The following SRPK2 variants were observed in gnomAD, a reference collection of about 807,000 sequenced individuals.
SRPK2 encodes the protein SFRS protein kinase 2.
In SRPK2, 21 loss-of-function variants were observed where a neutral mutation model predicts 90.8. The observed-to-expected ratio is 0.23, with a 90% confidence interval of 0.16 to 0.33. The LOEUF is 0.33. Among genes scored for constraint, SRPK2 ranks in the 10% least tolerant of loss-of-function variants. The pLI is 1.00. For synonymous variants in SRPK2, 288 were observed against 311.1 expected, an observed-to-expected ratio of 0.93 and a Z score of 0.78; for missense variants, 620 against 869.0, an observed-to-expected ratio of 0.71 and a Z score of 3.60.
At chr7:105,383,052 A>ATTT (rs1563315577) in intron 2 of SRPK2, among the ~76,000 whole-genome samples, 13,254 of 104,784 alleles carry the variant, frequency 0.13, 2,907 homozygotes, top group East Asian at 0.2. Flanking sequence ...CAAAAGTAAA[A>ATTT]ATTTTTTTTT....
In SRPK2 at chr7:105,170,995, GAGAAAGAA is replaced by G. The variant is rs1221221567; in HGVS notation, c.230-1738_230-1731del. On this transcript the variant is annotated intron_variant, in intron 3 of 15. Coordinates refer to ENST00000393651, the MANE Select transcript of SRPK2 (RefSeq NM_182692.3). Reference sequence around the variant, plus strand: ...AAAGAAAGAGAAAGAAAGAAAGAAAGAGAAAGAAAGAAAGAAAGAGAGGAAGGAAGGAA... The same window carrying G: ...AAAGAAAGAGAAAGAAAGAAAGAAAGAGAAAGAAAGAGAGGAAGGAAGGAA... Among the ~76,000 whole-genome samples, 19 of 117,870 alleles carry G rather than the reference GAGAAAGAA, an allele frequency of 1.6e-4. No individual in the cohort carries two copies. The East Asian group carries it at 5.2e-3, about 32-fold the overall frequency. The allele number at this position is 117,870 out of a possible 152,430, so 77.3% of individuals were successfully genotyped here. A position where few individuals can be genotyped will look rare whatever the true frequency, so the allele number is the denominator to read the frequency against.
chr7:105,248,571 C>T (rs1802038663), intron 2 of SRPK2, among the ~76,000 whole-genome samples: 1 of 152,012 alleles, frequency 6.6e-6, no homozygotes, highest in Non-Finnish European at 1.5e-5. Flanking sequence ...CCACTACACT[C>T]CAGCCTGGTA....
At chr7:105,228,410 T>A (rs948185280) in intron 2 of SRPK2, among the ~76,000 whole-genome samples, 3 of 152,232 alleles carry the variant, frequency 2.0e-5, no homozygotes, top group Admixed American at 2.0e-4. Context: ...GAGAAATTGC[T>A]GAAATTCCAA....
chr7:105,294,684 C>G (rs1809552019), intron 2 of SRPK2, among the ~76,000 whole-genome samples: 1 of 152,008 alleles, frequency 6.6e-6, no homozygotes, highest in African/African-American at 2.4e-5. Flanking sequence ...CACCACCATG[C>G]CTGGCTAATT....
At chr7:105,146,916 C>T (rs1407951461) in intron 7 of SRPK2, among the ~76,000 whole-genome samples, 1 of 152,142 alleles carries the variant, frequency 6.6e-6, no homozygotes, top group Non-Finnish European at 1.5e-5. Context: ...GAACCTTGAA[C>T]AACACAGGTT....
chr7:105,290,840 C>T, intron 2 of SRPK2, among the ~76,000 whole-genome samples: 1 of 148,996 alleles, frequency 6.7e-6, no homozygotes, highest in Non-Finnish European at 1.5e-5. Context: ...AGATCGAGAC[C>T]ATCCTGGCTA....
At chr7:105,159,442 C>T (rs377283652) in intron 7 of SRPK2, among the ~76,000 whole-genome samples, 89 of 12,224 alleles carry the variant, frequency 7.3e-3, no homozygotes, top group African/African-American at 0.012. Context: ...AGCGAGACTC[C>T]GTCTCCAAAA....
At chr7:105,177,424 TTTG>T (rs1792116760) in intron 3 of SRPK2, among the ~76,000 whole-genome samples, 1 of 152,232 alleles carries the variant, frequency 6.6e-6, no homozygotes, top group Non-Finnish European at 1.5e-5. Context: ...CCTTAGCATA[TTTG>T]TTGTCAATGA....
At position 105,214,038 on chromosome 7, in the gene SRPK2, G is replaced by A. The variant is rs530711242; in HGVS notation, c.72-10253C>T. On this transcript the variant is annotated intron_variant, in intron 2 of 15. Transcript: ENST00000393651. ...GTGTTACACAATATGGTAGCAACAAGACAAATTAATTAAAATGGAATAAAA... is the reference window on the plus strand; with the variant it reads ...GTGTTACACAATATGGTAGCAACAAAACAAATTAATTAAAATGGAATAAAA... Among the ~76,000 whole-genome samples, 3 of 152,274 alleles carry A rather than the reference G, an allele frequency of 2.0e-5. No homozygotes were observed. In the South Asian group the frequency reaches 6.2e-4, roughly 32 times the overall value.
At chr7:105,362,667 A>G (rs1014373802) in intron 2 of SRPK2, among the ~76,000 whole-genome samples, 10 of 152,134 alleles carry the variant, frequency 6.6e-5, no homozygotes, top group Middle Eastern at 3.2e-3. Context: ...AAATAGAAAT[A>G]CCATTTCACC....
chr7:105,150,683 A>G (rs1442066960), intron 7 of SRPK2, among the ~76,000 whole-genome samples: 1 of 152,186 alleles, frequency 6.6e-6, no homozygotes, highest in African/African-American at 2.4e-5. Context: ...GTGCAAACTG[A>G]ATAATATGTG....
chr7:105,232,643 C>G (rs1261370074), intron 2 of SRPK2, among the ~76,000 whole-genome samples: 2 of 151,606 alleles, frequency 1.3e-5, no homozygotes, highest in Non-Finnish European at 2.9e-5. Context: ...GAAATATTCA[C>G]ATGTGAAATA....
intron 2 of SRPK2, among the ~76,000 whole-genome samples, chr7:105,231,239 C>A (rs951464687): frequency 6.6e-6 from 1 of 152,182 alleles, no homozygotes; most frequent in African/African-American, 2.4e-5. Flanking sequence ...CCAGGTCTAT[C>A]CATGTTCCCA....
intron 2 of SRPK2, among the ~76,000 whole-genome samples, chr7:105,359,150 C>CTTTTTT (rs35765090): frequency 3.8e-4 from 21 of 54,826 alleles, no homozygotes; most frequent in Middle Eastern, 0.026. Context: ...CAAACCACAG[C>CTTTTTT]TTTTTTTTTT....
intron 13 of SRPK2, among the ~76,000 whole-genome samples, chr7:105,130,175 T>C (rs917094510): frequency 6.6e-6 from 1 of 152,170 alleles, no homozygotes; most frequent in African/African-American, 2.4e-5. Context: ...CCTAAAGCTG[T>C]CCTCCCTGAC....
chr7:105,265,411 A>T (rs1388186284), intron 2 of SRPK2, among the ~76,000 whole-genome samples: 1 of 152,160 alleles, frequency 6.6e-6, no homozygotes, highest in Non-Finnish European at 1.5e-5. Flanking sequence ...ACCATTTTAC[A>T]TGAAGGACTT....
At chr7:105,224,993 G>C (rs1235576799) in intron 2 of SRPK2, among the ~76,000 whole-genome samples, 3 of 152,100 alleles carry the variant, frequency 2.0e-5, no homozygotes, top group African/African-American at 4.8e-5. Flanking sequence ...TCATTAATCA[G>C]GTTAATAATA....
chr7:105,398,042 C>G (rs981386138), intron 1 of SRPK2, among the ~76,000 whole-genome samples: 2 of 151,952 alleles, frequency 1.3e-5, no homozygotes, highest in Non-Finnish European at 2.9e-5. Context: ...ATTAGTTATG[C>G]AAATATTATA....
intron 2 of SRPK2, among the ~76,000 whole-genome samples, chr7:105,258,355 A>C (rs1287849281): frequency 6.7e-6 from 1 of 149,692 alleles, no homozygotes; most frequent in Non-Finnish European, 1.5e-5. Flanking sequence ...AGGCAGAGGT[A>C]ATAGTGAGCC....
Sources: allele counts gnomAD v4.1 joint callset (sites outside exome capture counted in the v4.1 genomes callset), GRCh38; gene constraint gnomAD v4.1.1; transcripts MANE v1.5; gene names NCBI Gene and HGNC (gene_info 2026-07-23, HGNC 2026-07-21).